The following PWWP2A variants were observed in gnomAD, a reference collection of about 807,000 sequenced individuals.
PWWP2A encodes PWWP domain containing 2A.
A neutral mutation model predicts 48.5 loss-of-function variants in PWWP2A; 18 were observed. That is an observed-to-expected ratio of 0.37 (90% CI 0.26 to 0.55). PWWP2A has a LOEUF of 0.55. Ranked by LOEUF, PWWP2A falls within the 20% of genes least tolerant of loss-of-function variation. The pLI is 0.81. For missense variants in PWWP2A, 867 were observed against 976.4 expected, an observed-to-expected ratio of 0.89 and a Z score of 1.49; for synonymous variants, 396 against 387.7, an observed-to-expected ratio of 1.02 and a Z score of -0.25.
At chr5:160,072,964 A>G (rs1428833555), downstream of PWWP2A, among the ~76,000 whole-genome samples, 1 of 139,784 alleles carries the variant, frequency 7.2e-6, no homozygotes, top group African/African-American at 2.8e-5. Context: ...AGATTGCACC[A>G]TTACACTCCA....
In PWWP2A at chr5:160,102,397, C is replaced by CAA. The variant is rs70988002; in HGVS notation, c.585-8334_585-8333dup. Among the ~76,000 whole-genome samples, 108 of 64,136 alleles carry CAA rather than the reference C, an allele frequency of 1.7e-3. 1 individual carries two copies. The highest frequency in any genetic ancestry group is 2.4e-3 in the African/African-American group (37 of 15,374). The allele number at this position is 64,136 out of a possible 152,430, so 42.1% of individuals were successfully genotyped here. A position where few individuals can be genotyped will look rare whatever the true frequency, so the allele number is the denominator to read the frequency against. On this transcript the variant is annotated intron_variant, in intron 1 of 1. Transcript: ENST00000307063. ...TGGGCAACCAGGCGAGACTCCATCT[C>CAA]AAAAAAAAAAAAAAAAAAAAAAAAT...
chr5:160,086,699 A>C (rs1440097865), downstream of PWWP2A, among the ~76,000 whole-genome samples: 5 of 152,246 alleles, frequency 3.3e-5, no homozygotes, highest in Admixed American at 3.3e-4. Context: ...TGAGACCAGC[A>C]TGGCCAACAT....
At chr5:160,066,190 G>GA (rs1352972753) in intron 4 of PWWP2A, among the ~76,000 whole-genome samples, 1 of 151,380 alleles carries the variant, frequency 6.6e-6, no homozygotes, top group Non-Finnish European at 1.5e-5. Context: ...ATGTGTGTGT[G>GA]AAAAATCACA....
chr5:160,072,071 T>G (rs1753751858), downstream of PWWP2A, among the ~76,000 whole-genome samples: 1 of 152,176 alleles, frequency 6.6e-6, no homozygotes, highest in Admixed American at 6.5e-5. Flanking sequence ...TCACCTGGAT[T>G]TCCTTTAAAA....
rs551759866 is a variant in PWWP2A, at chr5:160,118,837, G to A, written c.552C>T (p.Leu184=). The A allele has an allele frequency of 1.3e-5, 21 of 1,577,278 alleles. No individual in the cohort carries two copies. In the East Asian group the frequency reaches 3.4e-4, roughly 25 times the overall value. Residue 184 remains leucine, a synonymous_variant, in exon 1 of 2, where the codon CTC becomes CTT. Coordinates refer to ENST00000307063, the MANE Select transcript of PWWP2A (RefSeq NM_001130864.2). ...ACAGATCCATGAGGACCCCGGAGAA[G>A]AGCTTCTCCCCGAAGCGGAACGACA... ...LVVSFRFGEK[L]FSGVLMDLSK... is the part of the protein sequence containing the mutation.
chr5:160,086,311 G>T (rs572195212), intron 2 of PWWP2A, among the ~76,000 whole-genome samples: 2 of 148,732 alleles, frequency 1.3e-5, no homozygotes, highest in Admixed American at 1.3e-4. Flanking sequence ...TTGAGCCCAG[G>T]AGTTCAAGAC....
At chr5:160,075,463 G>T (rs1753846447), downstream of PWWP2A, among the ~76,000 whole-genome samples, 1 of 151,990 alleles carries the variant, frequency 6.6e-6, no homozygotes, top group African/African-American at 2.4e-5. Flanking sequence ...CTGATTCTTA[G>T]GTCAAACCCT....
At position 160,077,580 on chromosome 5, in the gene PWWP2A, G is replaced by A. The variant is rs1753952245; in HGVS notation, c.*575C>T. ...ATCCAAATTGTGTTTGTGGGGTGGG[G>A]CGGGGCACTTTGCCATCCTTTCAGC... is the stretch of plus-strand genomic sequence containing the variant. On this transcript the variant is annotated 3_prime_UTR_variant, in exon 4 of 4. Coordinates refer to the PWWP2A transcript ENST00000456329. The surrounding 1 kb of genome is among the most constrained non-coding windows in gnomAD (Gnocchi z 4.2). 6.6e-6 allele frequency: 1 copy of A among 152,402 alleles called. No individual in the cohort carries two copies. Among genetic ancestry groups the A allele is most frequent in the African/African-American group, 2.4e-5 (1 of 41,442 alleles). 9.4% of individuals were successfully genotyped at this position (152,402 alleles called of 1,614,324 possible).
In PWWP2A at chr5:160,078,081, C is replaced by T; in HGVS notation, c.*74G>A. 3 of 1,337,966 alleles carry T rather than the reference C, an allele frequency of 2.2e-6. No individual in the cohort carries two copies. The South Asian group carries it at 3.8e-5, about 17-fold the overall frequency. The allele number at this position is 1,337,966 out of a possible 1,614,324, so 82.9% of individuals were successfully genotyped here. ...ACTTCTTAGTGCAGCTTTAAAAACT[C>T]CAATTTCATTCAGTCCTGATGCTCT... On this transcript the variant is annotated 3_prime_UTR_variant, in exon 4 of 4. Transcript: ENST00000456329. The surrounding 1 kb of genome is among the most constrained non-coding windows in gnomAD (Gnocchi z 4.2).
intron 4 of PWWP2A, among the ~76,000 whole-genome samples, chr5:160,064,502 G>A (rs948603105): frequency 1.3e-5 from 2 of 152,200 alleles, no homozygotes; most frequent in African/African-American, 2.4e-5. Context: ...GGCTGCTGCC[G>A]TTCTAGAGAG....
chr5:160,092,110 G>T lies in PWWP2A; in HGVS notation c.*272C>A. The T allele has an allele frequency of 8.8e-7, 1 of 1,141,942 alleles. No individual in the cohort carries two copies. Among genetic ancestry groups the T allele is most frequent in the African/African-American group, 1.6e-5 (1 of 62,350 alleles). The allele number at this position is 1,141,942 out of a possible 1,614,324, so 70.7% of individuals were successfully genotyped here. On this transcript the variant is annotated 3_prime_UTR_variant, in exon 2 of 2. Transcript: ENST00000307063. Reference sequence around the variant, plus strand: ...CAGTCCCTACAAAAATTCAATTTCAGTTGAGGCTATGGCTCCTATGCCTTG... The same window carrying T: ...CAGTCCCTACAAAAATTCAATTTCATTTGAGGCTATGGCTCCTATGCCTTG...
chr5:160,098,257 C>T (rs553329460), intron 1 of PWWP2A, among the ~76,000 whole-genome samples: 66 of 152,146 alleles, frequency 4.3e-4, no homozygotes, highest in Non-Finnish European at 8.1e-4. Context: ...GAAGAAGCAC[C>T]TAATTGTGTA....
chr5:160,100,659 A>G (rs879739120), intron 1 of PWWP2A, among the ~76,000 whole-genome samples: 2 of 152,324 alleles, frequency 1.3e-5, no homozygotes, highest in Middle Eastern at 3.4e-3. Flanking sequence ...TTTTGAGCCA[A>G]TGATTTTAGA....
At chr5:160,109,812 A>T (rs1757357008) in intron 1 of PWWP2A, among the ~76,000 whole-genome samples, 1 of 118,700 alleles carries the variant, frequency 8.4e-6, no homozygotes, top group African/African-American at 3.1e-5. Flanking sequence ...TATATATAAA[A>T]TAATATAATA....
chr5:160,097,892 T>C (rs1217117477), intron 1 of PWWP2A, among the ~76,000 whole-genome samples: 1 of 151,768 alleles, frequency 6.6e-6, no homozygotes, highest in African/African-American at 2.4e-5. Context: ...ATTTTTGTAT[T>C]TTTAGTAGAT....
intron 1 of PWWP2A, among the ~76,000 whole-genome samples, chr5:160,095,481 C>T (rs2546963): frequency 0.51 from 77,287 of 151,808 alleles, 20,787 homozygotes; most frequent in East Asian, 0.62. Context: ...AGCATGTTGA[C>T]TATATGCACT....
chr5:160,045,520 ACTCTCT>A, the PWWP2A span, among the ~76,000 whole-genome samples: 89 of 54,892 alleles, frequency 1.6e-3, 2 homozygotes, highest in East Asian at 3.7e-3. Flanking sequence ...ACACATACAC[ACTCTCT>A]CTCTCTCTCT....
At chr5:160,087,982 C>T (rs1243495262), downstream of PWWP2A, among the ~76,000 whole-genome samples, 1 of 152,130 alleles carries the variant, frequency 6.6e-6, no homozygotes, top group African/African-American at 2.4e-5. Context: ...CTTCCTATTC[C>T]TTCGTTCAAA....
At chr5:160,104,345 C>A (rs915004834) in intron 1 of PWWP2A, among the ~76,000 whole-genome samples, 4 of 151,210 alleles carry the variant, frequency 2.6e-5, no homozygotes, top group African/African-American at 4.9e-5. Context: ...GTGAAAGGAT[C>A]GCTTGAGCCC....
Sources: gnomAD v4.1 joint callset for allele counts (sites outside exome capture counted in the v4.1 genomes callset) on GRCh38, gnomAD v4.1.1 for gene constraint, Gnocchi (gnomAD v3.1) non-coding constraint, MANE v1.5 for transcripts, NCBI Gene and HGNC (gene_info 2026-07-23, HGNC 2026-07-21) for gene names.